The following SOX5 variants were observed in gnomAD, a reference collection of about 807,000 sequenced individuals.
SOX5 encodes SRY-box transcription factor 5.
A neutral mutation model predicts 92.0 loss-of-function variants in SOX5; 9 were observed. The ratio of observed to expected loss-of-function variants is 0.10; its 90% CI spans 0.06 to 0.17. The LOEUF (loss-of-function observed/expected upper bound fraction) is 0.17. SOX5 is among the 10% of genes least tolerant of loss of function. The pLI, the probability that SOX5 is intolerant of heterozygous loss-of-function variation, is 1.00. For missense variants in SOX5, 642 were observed against 944.5 expected (o/e 0.68, Z 4.20); for synonymous variants, 344 against 336.3 (o/e 1.02, Z -0.25).
chr12:24,376,769 C>G (rs1370062098), intron 1 of SOX5, among the ~76,000 whole-genome samples: 1 of 121,724 alleles, frequency 8.2e-6, no homozygotes, highest in African/African-American at 3.2e-5. Flanking sequence ...TATAGTGGTG[C>G]AATTAAGACT....
At chr12:23,721,814 G>T (rs758115796) in intron 6 of SOX5, among the ~76,000 whole-genome samples, 2 of 152,196 alleles carry the variant, frequency 1.3e-5, no homozygotes, top group African/African-American at 2.4e-5. Flanking sequence ...TTTAGCCTAC[G>T]TGCACAGGCA....
chr12:23,963,797 T>C (rs1947243465), intron 4 of SOX5, among the ~76,000 whole-genome samples: 1 of 148,264 alleles, frequency 6.7e-6, no homozygotes, highest in Non-Finnish European at 1.5e-5. Context: ...GAAGGCTATA[T>C]ATTCCATACA....
chr12:23,685,999 A>T (rs1383348573), intron 6 of SOX5, among the ~76,000 whole-genome samples: 1 of 152,160 alleles, frequency 6.6e-6, no homozygotes, highest in Non-Finnish European at 1.5e-5. Context: ...AATCTTCCAT[A>T]CAACAGGCAC....
At chr12:23,921,119 C>T (rs1335814098) in intron 1 of SOX5, among the ~76,000 whole-genome samples, 1 of 152,070 alleles carries the variant, frequency 6.6e-6, no homozygotes, top group Non-Finnish European at 1.5e-5. Flanking sequence ...ACCTAATATG[C>T]TCTCAAGGGA....
rs544452398 is a variant in SOX5, at chr12:23,941,168, A to T, written c.38+8396T>A. On this transcript the variant is annotated intron_variant, in intron 1 of 14. Coordinates refer to ENST00000451604, the MANE Select transcript of SOX5 (RefSeq NM_006940.6). Reference sequence around the variant, plus strand: ...TGAAAAAGTTTCTCCTGGCTTTCTAACTTTTGCATGTGCACACACGTATAA... The same window carrying T: ...TGAAAAAGTTTCTCCTGGCTTTCTATCTTTTGCATGTGCACACACGTATAA... Among the ~76,000 whole-genome samples, 21 of 151,706 alleles carry T rather than the reference A, an allele frequency of 1.4e-4. No homozygotes were observed. In the South Asian group the frequency reaches 4.1e-3, roughly 30 times the overall value.
intron 6 of SOX5, among the ~76,000 whole-genome samples, chr12:23,672,357 C>T (rs143389080): frequency 9.7e-4 from 147 of 152,250 alleles, no homozygotes; most frequent in African/African-American, 3.4e-3. Flanking sequence ...TATTTAGGAA[C>T]AGACCTACAA....
intron 1 of SOX5, among the ~76,000 whole-genome samples, chr12:23,911,694 T>C (rs528694448): frequency 9.2e-5 from 14 of 152,266 alleles, no homozygotes; most frequent in African/African-American, 3.4e-4. Flanking sequence ...TCATGAACTT[T>C]GGTTTCAAAG....
intron 1 of SOX5, among the ~76,000 whole-genome samples, chr12:24,386,527 A>C (rs967164946): frequency 1.3e-5 from 2 of 152,190 alleles, no homozygotes; most frequent in African/African-American, 4.8e-5. Context: ...CTTTCTCTCT[A>C]TATGAAATAA....
At chr12:24,363,142 C>T (rs1165738509) in intron 2 of SOX5, among the ~76,000 whole-genome samples, 1 of 152,060 alleles carries the variant, frequency 6.6e-6, no homozygotes, top group Non-Finnish European at 1.5e-5. Context: ...TGTGAAATAA[C>T]ATCTACTAAA....
intron 9 of SOX5, among the ~76,000 whole-genome samples, chr12:23,592,671 T>C (rs11046997): frequency 0.21 from 31,516 of 152,126 alleles, 3,633 homozygotes; most frequent in African/African-American, 0.29. Context: ...TTCTGAACCA[T>C]TGAGAGTGCA....
chr12:24,390,005 T>A (rs1329840108), intron 1 of SOX5, among the ~76,000 whole-genome samples: 1 of 152,180 alleles, frequency 6.6e-6, no homozygotes, highest in East Asian at 1.9e-4. Context: ...TCTCCTCAAA[T>A]CATTTCCTTT....
chr12:23,592,195 A>G (rs1861477980), intron 9 of SOX5, among the ~76,000 whole-genome samples: 1 of 152,164 alleles, frequency 6.6e-6, no homozygotes, highest in African/African-American at 2.4e-5. Flanking sequence ...TATTGGTAAA[A>G]AATTTGAAAG....
At chr12:24,320,128 G>C (rs1950069928) in intron 2 of SOX5, among the ~76,000 whole-genome samples, 1 of 152,140 alleles carries the variant, frequency 6.6e-6, no homozygotes, top group East Asian at 1.9e-4. Flanking sequence ...ATACAGAAAA[G>C]ATTTGGAAAA....
At chr12:23,960,227 G>A (rs1475671439) in intron 4 of SOX5, among the ~76,000 whole-genome samples, 1 of 152,010 alleles carries the variant, frequency 6.6e-6, no homozygotes, top group Non-Finnish European at 1.5e-5. Flanking sequence ...AAGAGAAAAA[G>A]TAAGCCACAG....
intron 11 of SOX5, among the ~76,000 whole-genome samples, chr12:23,555,337 A>T (rs1944971301): frequency 6.6e-6 from 1 of 152,064 alleles, no homozygotes; most frequent in African/African-American, 2.4e-5. Context: ...CTGAAAGCCC[A>T]ATTTGGCATG....
rs556954933 is a variant in SOX5, at chr12:23,604,267, C to T, written c.1164+120G>A. 1.3e-4 allele frequency: 133 copies of T among 1,011,658 alleles called. No homozygotes were observed. In the African/African-American group the frequency reaches 2.1e-3, roughly 16 times the overall value. 62.7% of individuals were successfully genotyped at this position (1,011,658 alleles called of 1,614,324 possible). A position where few individuals can be genotyped will look rare whatever the true frequency, so the allele number is the denominator to read the frequency against. ...GCACACCTGTTGCCCTTACTTGATT[C>T]TTACCTCCTTGTACACCCAGAGTTT... On this transcript the variant is annotated intron_variant, in intron 9 of 14. Transcript: ENST00000451604.
intron 2 of SOX5, among the ~76,000 whole-genome samples, chr12:23,875,300 G>T (rs1209611138): frequency 6.6e-6 from 1 of 151,998 alleles, no homozygotes; most frequent in African/African-American, 2.4e-5. Flanking sequence ...AAAATTCAAA[G>T]ATTAAAGAGA....
chr12:24,244,785 T>C (rs1879779), intron 3 of SOX5, among the ~76,000 whole-genome samples: 151,998 of 152,298 alleles, frequency 1, 75,850 homozygotes, highest in Middle Eastern at 1. Context: ...CTCCGCCTCC[T>C]GAGTTCAAGC....
chr12:24,362,365 T>C (rs142974002), intron 2 of SOX5, among the ~76,000 whole-genome samples: 311 of 152,330 alleles, frequency 2.0e-3, no homozygotes, highest in African/African-American at 7.0e-3. Flanking sequence ...CCTGCTAAGA[T>C]TTAGTCCTTT....
Sources: allele counts gnomAD v4.1 joint callset (sites outside exome capture counted in the v4.1 genomes callset), GRCh38; gene constraint gnomAD v4.1.1; transcripts MANE v1.5; gene names NCBI Gene and HGNC (gene_info 2026-07-23, HGNC 2026-07-21).